Variants in YAP1 observed in about 807,000 individuals in gnomAD.
The protein encoded by YAP1 is transcriptional coactivator YAP1.
In YAP1, 5 loss-of-function variants were observed where a neutral mutation model predicts 56.9. That is an observed-to-expected ratio of 0.09 (90% confidence interval 0.05 to 0.18). The LOEUF is 0.18. Ranked by LOEUF, YAP1 falls within the 10% of genes least tolerant of loss-of-function variation. YAP1 has a pLI of 1.00. For synonymous variants in YAP1, 265 were observed against 248.1 expected (o/e 1.07, Z -0.64); for missense variants, 539 against 651.8 (o/e 0.83, Z 1.88).
At chr11:102,132,304 A>G (rs1237372915) in intron 2 of YAP1, among the ~76,000 whole-genome samples, 1 of 152,232 alleles carries the variant, frequency 6.6e-6, no homozygotes, top group Non-Finnish European at 1.5e-5. Flanking sequence ...GTTTTCTGGT[A>G]AAACCAAAGG....
chr11:102,157,818 G>T (rs1946041693), intron 2 of YAP1, among the ~76,000 whole-genome samples: 1 of 152,102 alleles, frequency 6.6e-6, no homozygotes, highest in Non-Finnish European at 1.5e-5. Flanking sequence ...GTCTGAGCAG[G>T]TCACTATCAT....
intron 2 of YAP1, among the ~76,000 whole-genome samples, chr11:102,134,655 C>G (rs1272869080): frequency 6.6e-6 from 1 of 152,026 alleles, no homozygotes; most frequent in East Asian, 1.9e-4. Flanking sequence ...ACGTACCTCT[C>G]ACAGATCACA....
Position 102,230,484 on chromosome 11 carries a change from G to A in YAP1, c.*544G>A, listed in dbSNP as rs1326581366. 1.3e-5 allele frequency: 2 copies of A among 153,214 alleles called. No homozygotes were observed. Among genetic ancestry groups the A allele is most frequent in the Non-Finnish European group, 2.9e-5 (2 of 68,498 alleles). 9.5% of individuals were successfully genotyped at this position (153,214 alleles called of 1,614,324 possible). ...AAGGCTGAAGACTGTTTTACTTTCA[G>A]TATTTTCTTTTCCTCCTAGTGCTAT... On this transcript the variant is annotated 3_prime_UTR_variant, in exon 9 of 9. Transcript: ENST00000282441.
At chr11:102,168,608 A>G (rs1946733357) in intron 3 of YAP1, among the ~76,000 whole-genome samples, 2 of 152,218 alleles carry the variant, frequency 1.3e-5, no homozygotes, top group South Asian at 4.1e-4. Flanking sequence ...ATACCTCAAG[A>G]TGGGTGGAGA....
At chr11:102,185,013 A>G (rs1369737603) in intron 3 of YAP1, among the ~76,000 whole-genome samples, 1 of 152,190 alleles carries the variant, frequency 6.6e-6, no homozygotes, top group African/African-American at 2.4e-5. Context: ...TGTACATAAT[A>G]TATAAGAACA....
rs1408361438 is a variant in YAP1, at chr11:102,231,144, G to A, written c.*1204G>A. On this transcript the variant is annotated 3_prime_UTR_variant, in exon 9 of 9. Transcript: ENST00000282441. ...GGGCATACGGTAGATATTATCTGAT[G>A]AATTGGAAAGGAGCAAACCAGAAAT... is the stretch of plus-strand genomic sequence containing the variant. 1.3e-5 allele frequency: 2 copies of A among 152,220 alleles called. No individual in the cohort carries two copies. Among genetic ancestry groups the A allele is most frequent in the Non-Finnish European group, 2.9e-5 (2 of 68,040 alleles). The allele number at this position is 152,220 out of a possible 1,614,324, so 9.4% of individuals were successfully genotyped here.
intron 2 of YAP1, among the ~76,000 whole-genome samples, chr11:102,139,566 A>G (rs1944886639): frequency 6.6e-6 from 1 of 152,220 alleles, no homozygotes; most frequent in South Asian, 2.1e-4. Context: ...AAGCAGTTAC[A>G]GGATATAAGC....
intron 4 of YAP1, among the ~76,000 whole-genome samples, chr11:102,203,234 A>T (rs1403283704): frequency 6.6e-6 from 1 of 152,192 alleles, no homozygotes. Flanking sequence ...CTTCCTCCTG[A>T]TGATCCAGAA....
At chr11:102,196,777 G>A (rs1202461455) in intron 4 of YAP1, among the ~76,000 whole-genome samples, 1 of 152,040 alleles carries the variant, frequency 6.6e-6, no homozygotes, top group Non-Finnish European at 1.5e-5. Context: ...TTCTAGGCAT[G>A]ATGTCATTTA....
At position 102,110,608 on chromosome 11, in the gene YAP1, C is replaced by G. The variant is rs112117152; in HGVS notation, c.-241C>G. ...TCTCAGGCGCCGCAGGTCCGAGTGC[C>G]TCGCAGCCCCTCCCGAGGCGCAGCC... On this transcript the variant is annotated 5_prime_UTR_variant, in exon 1 of 9. Transcript: ENST00000282441. 8.4e-3 allele frequency: 2,015 copies of G among 240,694 alleles called. 48 individuals are homozygous for G. The highest frequency in any genetic ancestry group is 0.043 in the African/African-American group (1,909 of 43,942). The allele number at this position is 240,694 out of a possible 1,614,324, so 14.9% of individuals were successfully genotyped here.
Position 102,230,152 on chromosome 11 carries a change from C to A in YAP1, c.*212C>A. Reference sequence around the variant, plus strand: ...TCTTTCACAGTTGGCTCTAAAGAATCAAAAGAAAAAAACTTTTTATTTCTT... The same window carrying A: ...TCTTTCACAGTTGGCTCTAAAGAATAAAAAGAAAAAAACTTTTTATTTCTT... On this transcript the variant is annotated 3_prime_UTR_variant, in exon 9 of 9. Coordinates refer to ENST00000282441, the MANE Select transcript of YAP1 (RefSeq NM_001130145.3). 2.2e-6 allele frequency: 1 copy of A among 450,876 alleles called. No homozygotes were observed. The highest frequency in any genetic ancestry group is 3.9e-6 in the Non-Finnish European group (1 of 255,930). The allele number at this position is 450,876 out of a possible 1,614,324, so 27.9% of individuals were successfully genotyped here.
At chr11:102,153,268 T>C (rs1004611026) in intron 2 of YAP1, among the ~76,000 whole-genome samples, 1 of 152,192 alleles carries the variant, frequency 6.6e-6, no homozygotes, top group Admixed American at 6.5e-5. Flanking sequence ...TTTTGAGCAA[T>C]AGTGACCAAA....
Position 102,229,987 on chromosome 11 carries a change from A to G in YAP1, c.*47A>G. On this transcript the variant is annotated 3_prime_UTR_variant, in exon 9 of 9. Coordinates refer to ENST00000282441, the MANE Select transcript of YAP1 (RefSeq NM_001130145.3). ...CTAAATCTGTGAAGGATCTAAGGAGACACATGCACCGGAAATTTCCATAAG... is the reference window on the plus strand; with the variant it reads ...CTAAATCTGTGAAGGATCTAAGGAGGCACATGCACCGGAAATTTCCATAAG... 1 of 1,523,310 alleles carries G rather than the reference A, an allele frequency of 6.6e-7. No homozygotes were observed. The highest frequency in any genetic ancestry group is 2.3e-5 in the East Asian group (1 of 44,184). The allele number at this position is 1,523,310 out of a possible 1,614,324, so 94.4% of individuals were successfully genotyped here. A position where few individuals can be genotyped will look rare whatever the true frequency, so the allele number is the denominator to read the frequency against.
In YAP1 at chr11:102,134,195, A is replaced by G. The variant is rs141506417; in HGVS notation, c.572+19801A>G. Among the ~76,000 whole-genome samples the G allele has an allele frequency of 5.8e-3, 877 of 152,212 alleles. 10 individuals are homozygous for G. The highest frequency in any genetic ancestry group is 0.02 in the African/African-American group (838 of 41,538). On this transcript the variant is annotated intron_variant, in intron 2 of 8. Coordinates refer to ENST00000282441, the MANE Select transcript of YAP1 (RefSeq NM_001130145.3). ...GACGTTTATGTTTGAAAAATCAGCT[A>G]TTTAGGTAGTGGTGGTCTCTCACTT...
intron 2 of YAP1, among the ~76,000 whole-genome samples, chr11:102,125,654 C>A (rs761194630): frequency 7.8e-4 from 119 of 152,078 alleles, no homozygotes; most frequent in Non-Finnish European, 1.4e-3. Context: ...GCTGGGATTA[C>A]TGATGTCAGC....
At chr11:102,192,829 G>T (rs913681782) in intron 4 of YAP1, among the ~76,000 whole-genome samples, 1 of 152,168 alleles carries the variant, frequency 6.6e-6, no homozygotes, top group Non-Finnish European at 1.5e-5. Context: ...TCACAGTGTG[G>T]AATTACTTTT....
chr11:102,162,635 G>A (rs1946358828), intron 3 of YAP1, 64 bp downstream of exon 3: 3 of 1,484,512 alleles, frequency 2.0e-6, no homozygotes, highest in Non-Finnish European at 9.4e-7. Flanking sequence ...AAGTTGATGT[G>A]GAAAATAGTC....
chr11:102,178,863 T>C (rs1947420539), intron 3 of YAP1, among the ~76,000 whole-genome samples: 1 of 152,184 alleles, frequency 6.6e-6, no homozygotes, highest in East Asian at 1.9e-4. Context: ...CGTCTGCTTC[T>C]GGTGAGGACC....
At chr11:102,211,844 C>T (rs1949419193) in intron 6 of YAP1, among the ~76,000 whole-genome samples, 1 of 152,058 alleles carries the variant, frequency 6.6e-6, no homozygotes, top group South Asian at 2.1e-4. Flanking sequence ...GCTGTGATTA[C>T]AGGTGCCTGC....
Sources: gnomAD v4.1 joint callset for allele counts (sites outside exome capture counted in the v4.1 genomes callset) on GRCh38, gnomAD v4.1.1 for gene constraint, MANE v1.5 for transcripts, NCBI Gene and HGNC (gene_info 2026-07-23, HGNC 2026-07-21) for gene names.